The following PKD1 variants were observed in gnomAD, a reference collection of about 807,000 sequenced individuals.
PKD1 encodes the protein polycystin-1.
In PKD1, 81 loss-of-function variants were observed where a neutral mutation model predicts 361.7. The observed-to-expected ratio is 0.22, with a 90% CI of 0.19 to 0.27. The LOEUF is 0.27. PKD1 is among the 10% of genes least tolerant of loss of function. PKD1 has a pLI of 1.00. For synonymous variants in PKD1, 3,615 were observed against 2,818.3 expected (o/e 1.28, Z -8.95); for missense variants, 6,399 against 6,118.3 (o/e 1.05, Z -1.53).
At chr16:2,123,808 G>T (rs1189292697) in intron 1 of PKD1, among the ~76,000 whole-genome samples, 5 of 152,212 alleles carry the variant, frequency 3.3e-5, no homozygotes, top group African/African-American at 1.2e-4. Flanking sequence ...CTATGAGCTG[G>T]AAGGGTGGGA....
chr16:2,107,753 A>G (rs1218576948), intron 16 of PKD1, 130 bp downstream of exon 16: 35 of 858,316 alleles, frequency 4.1e-5, no homozygotes, highest in African/African-American at 2.2e-4. Flanking sequence ...GTCGTGTTAC[A>G]TAGAATTTGC....
Position 2,117,919 on chromosome 16 carries a change from G to A in PKD1, c.1073C>T (p.Ala358Val). Residue 358 changes from alanine (A) to valine (V), a missense_variant, in exon 5 of 46, where the codon GCC becomes GTC. Transcript: ENST00000262304. The part of the protein sequence containing the change: ...TDVQVEAAPA[A>V]LELVCPSSVQ... ...CGAGGACGGGCACACGAGCTCCAGG[G>A]CGGCAGGTGCCGCTTCCACCTGCAC... is the stretch of plus-strand genomic sequence containing the variant. 2.4e-6 allele frequency: 3 copies of A among 1,254,810 alleles called. No homozygotes were observed. The highest frequency in any genetic ancestry group is 3.4e-6 in the Non-Finnish European group (3 of 890,540). 77.7% of individuals were successfully genotyped at this position (1,254,810 alleles called of 1,614,324 possible). A position where few individuals can be genotyped will look rare whatever the true frequency, so the allele number is the denominator to read the frequency against.
chr16:2,090,312 G>C lies in PKD1; in HGVS notation c.12417C>G (p.Leu4139=), dbSNP rs1348781162. 3 of 1,611,252 alleles carry C rather than the reference G, an allele frequency of 1.9e-6. No individual in the cohort carries two copies. Among genetic ancestry groups the C allele is most frequent in the African/African-American group, 1.3e-5 (1 of 74,878 alleles). Residue 4139 remains leucine (L), a synonymous_variant, in exon 45 of 46, where the codon CTC becomes CTG. Transcript: ENST00000262304. ...MVELFLRRLR[L]WMGLSKVKEF... is the part of the protein sequence containing the mutation. ...CCTTGACCTTGCTGAGGCCCATCCA[G>C]AGGCGCAGCCTGCGCAGGAACAACT...
rs543314024 is a variant in PKD1, at chr16:2,100,387, C to G, written c.9568+9G>C. On this transcript the variant is annotated intron_variant, in intron 27 of 45. Coordinates refer to ENST00000262304, the MANE Select transcript of PKD1 (RefSeq NM_001009944.3). This position sits in a 1 kb window ranked among gnomAD's most constrained non-coding sequence, Gnocchi z 4.4. Reference sequence around the variant, plus strand: ...CAGAGGGGCAGAGCTTGGCAGGGTCCGCACAAACCTTTGTTGTCGTGCCAC... The same window carrying G: ...CAGAGGGGCAGAGCTTGGCAGGGTCGGCACAAACCTTTGTTGTCGTGCCAC... 1 of 1,611,224 alleles carries G rather than the reference C, an allele frequency of 6.2e-7. No individual in the cohort carries two copies. Among genetic ancestry groups the G allele is most frequent in the Admixed American group, 1.7e-5 (1 of 60,018 alleles).
rs2092523043 is a variant in PKD1, at chr16:2,112,002, C to A, written c.3296-131G>T. 3 of 985,952 alleles carry A rather than the reference C, an allele frequency of 3.0e-6. No individual in the cohort carries two copies. The East Asian group carries it at 7.8e-5, about 26-fold the overall frequency. 61.1% of individuals were successfully genotyped at this position (985,952 alleles called of 1,614,324 possible). A position where few individuals can be genotyped will look rare whatever the true frequency, so the allele number is the denominator to read the frequency against. ...GCGGCCCAGCCTTAAGGGTCCCAGG[C>A]TCCCAAGCCACGTGCGGGACGGAGC... On this transcript the variant is annotated intron_variant, in intron 14 of 45. Coordinates refer to ENST00000262304, the MANE Select transcript of PKD1 (RefSeq NM_001009944.3).
chr16:2,116,254 C>A, intron 8 of PKD1, 136 bp from the exon 9 acceptor site: 1 of 945,926 alleles, frequency 1.1e-6, no homozygotes, highest in Non-Finnish European at 1.6e-6. Context: ...TGGCTCCTGT[C>A]GCTCGAGAGG....
chr16:2,109,396 C>A lies in PKD1; in HGVS notation c.5771G>T (p.Gly1924Val). 6.3e-7 allele frequency: 1 copy of A among 1,598,712 alleles called. No homozygotes were observed. Among genetic ancestry groups the A allele is most frequent in the Non-Finnish European group, 8.5e-7 (1 of 1,177,846 alleles). Reference sequence around the variant, plus strand: ...GGGGAGCACCTCGGGGTTGGCCCCGCCGACCTGCAGGCGGAAGGTGACAGC... The same window carrying A: ...GGGGAGCACCTCGGGGTTGGCCCCGACGACCTGCAGGCGGAAGGTGACAGC... ...GSAVTFRLQV[G>V]GANPEVLPGP... Residue 1924 changes from glycine (G) to valine (V), a missense_variant, in exon 15 of 46, where the codon GGC becomes GTC. Coordinates refer to ENST00000262304, the MANE Select transcript of PKD1 (RefSeq NM_001009944.3).
intron 30 of PKD1, among the ~76,000 whole-genome samples, chr16:2,098,375 A>G (rs1239802948): frequency 2.0e-5 from 3 of 151,334 alleles, no homozygotes. Context: ...TGCCCAGCTA[A>G]TTTTTTGTAT....
chr16:2,101,146 G>A (rs1470305176), intron 26 of PKD1, among the ~76,000 whole-genome samples: 10 of 151,950 alleles, frequency 6.6e-5, no homozygotes, highest in Non-Finnish European at 1.2e-4. Flanking sequence ...CCACTACGCC[G>A]GGCTAATTTT....
At position 2,109,882 on chromosome 16, in the gene PKD1, G is replaced by T; in HGVS notation, c.5285C>A (p.Thr1762Asn). Residue 1762 changes from threonine (T) to asparagine (N), a missense_variant, in exon 15 of 46, where the codon ACC becomes AAC. Coordinates refer to ENST00000262304, the MANE Select transcript of PKD1 (RefSeq NM_001009944.3). Reference protein sequence around the residue: ...WSLEEGLSWETSEPFTTHSFP... With the variant: ...WSLEEGLSWENSEPFTTHSFP... Reference sequence around the variant, plus strand: ...GCTATGGGTGGTAAATGGCTCGGAGGTCTCCCAGCTCAGCCCCTCCTCCAA... The same window carrying T: ...GCTATGGGTGGTAAATGGCTCGGAGTTCTCCCAGCTCAGCCCCTCCTCCAA... The T allele has an allele frequency of 6.2e-7, 1 of 1,610,644 alleles. No individual in the cohort carries two copies. The highest frequency in any genetic ancestry group is 8.5e-7 in the Non-Finnish European group (1 of 1,179,794).
rs2091721222 is a variant in PKD1 at position 2,093,795 on chromosome 16, CT to C, written c.10821+15del. 2 of 1,554,298 alleles carry C rather than the reference CT, an allele frequency of 1.3e-6. No individual in the cohort carries two copies. The highest frequency in any genetic ancestry group is 1.9e-5 in the Admixed American group (1 of 53,220). On this transcript the variant is annotated intron_variant, in intron 36 of 45. Transcript: ENST00000262304. ...CGTGATGGAGGCCTGTAGCCTACCCCTGGCAGCCCCCTCACCTTCAGTGGCT... is the reference window on the plus strand; with the variant it reads ...CGTGATGGAGGCCTGTAGCCTACCCCGGCAGCCCCCTCACCTTCAGTGGCT...
intron 1 of PKD1, among the ~76,000 whole-genome samples, chr16:2,125,720 G>A (rs2092789756): frequency 6.6e-6 from 1 of 151,894 alleles, no homozygotes; most frequent in Admixed American, 6.6e-5. Flanking sequence ...CTGCCGCTGG[G>A]GTCGGGGCCA....
chr16:2,122,882 C>T (rs1285714134), intron 1 of PKD1, among the ~76,000 whole-genome samples: 3 of 152,178 alleles, frequency 2.0e-5, no homozygotes, highest in Non-Finnish European at 4.4e-5. Flanking sequence ...GGCTCTCGCA[C>T]CTGCCCCCAG....
At chr16:2,096,866 C>A in intron 34 of PKD1, 1 of 534,684 alleles carries the variant, frequency 1.9e-6, no homozygotes, top group South Asian at 2.4e-5. Flanking sequence ...TGCTCTGAGA[C>A]CAAGATAAAA....
At position 2,108,662 on chromosome 16, in the gene PKD1, A is replaced by T; in HGVS notation, c.6505T>A (p.Leu2169Met). ...TCGCGCAGGTCAACGTGGGCCTCCAAGTAGTTGCGCTGTGATCGCCGCATC... is the reference window on the plus strand; with the variant it reads ...TCGCGCAGGTCAACGTGGGCCTCCATGTAGTTGCGCTGTGATCGCCGCATC... ...VLMRRSQRNY[L>M]EAHVDLRDCV... is the part of the protein sequence containing the mutation. Residue 2169 changes from leucine to methionine, a missense_variant, in exon 15 of 46, where the codon TTG becomes ATG. Leu to Met is a conservative substitution (Grantham distance 15). Transcript: ENST00000262304. 6.4e-7 allele frequency: 1 copy of T among 1,565,110 alleles called. No homozygotes were observed.
rs2092678353 is a variant in PKD1, at chr16:2,118,696, G to C, written c.509C>G (p.Pro170Arg). The C allele has an allele frequency of 6.8e-7, 1 of 1,475,316 alleles. No homozygotes were observed. The highest frequency in any genetic ancestry group is 9.2e-7 in the Non-Finnish European group (1 of 1,087,048). The allele number at this position is 1,475,316 out of a possible 1,614,324, so 91.4% of individuals were successfully genotyped here. The stretch of plus-strand genomic sequence containing the variant: ...CTCACCACAGCCACTGTCCAGCAAG[G>C]GGATGCCAAGCAGAGGCTGGCCAGC... ...SLAGQPLLGI[P>R]LLDSGCGEEY... is the part of the protein sequence containing the mutation. The change falls in exon 4 of 46, where the codon CCC becomes CGC. Residue 170 changes from proline to arginine, a missense_variant. Transcript: ENST00000262304. This position sits in a 1 kb window ranked among gnomAD's most constrained non-coding sequence, Gnocchi z 6.0.
At chr16:2,116,473 C>G in intron 8 of PKD1, 56 bp downstream of exon 8, 1 of 984,292 alleles carries the variant, frequency 1.0e-6, no homozygotes, top group Non-Finnish European at 1.6e-6. Context: ...GCAGGGCAGG[C>G]AAGGCCTCCA....
chr16:2,105,893 G>A lies in PKD1; in HGVS notation c.7835C>T (p.Ser2612Leu), dbSNP rs200646755. The change falls in exon 20 of 46, where the codon TCG becomes TTG. Residue 2612 changes from serine (S) to leucine (L), a missense_variant. Transcript: ENST00000262304. The part of the protein sequence containing the change: ...QADPQHVIEY[S>L]LALVTVLNEY... ...GTTCAGCACGGTGACCAGGGCCAAC[G>A]AGTACTCGATGACGTGCTGGGGATC... 129 of 1,596,384 alleles carry A rather than the reference G, an allele frequency of 8.1e-5. No homozygotes were observed. In the Middle Eastern group the frequency reaches 1.8e-3, roughly 22 times the overall value.
chr16:2,108,872 C>G lies in PKD1; in HGVS notation c.6295G>C (p.Gly2099Arg). Residue 2099 changes from glycine (G) to arginine (R), a missense_variant, in exon 15 of 46, where the codon GGG (glycine) becomes CGG (arginine). Gly to Arg is a moderately radical substitution (Grantham distance 125, BLOSUM62 -2). Coordinates refer to ENST00000262304, the MANE Select transcript of PKD1 (RefSeq NM_001009944.3). ...TCATCTGTGTCCTGCCCTGGCGACCCATCCCCAAAGTCCCAGTGGTAGGCC... is the reference window on the plus strand; with the variant it reads ...TCATCTGTGTCCTGCCCTGGCGACCGATCCCCAAAGTCCCAGTGGTAGGCC... ...RVAYHWDFGD[G>R]SPGQDTDEPR... The G allele has an allele frequency of 6.3e-7, 1 of 1,578,328 alleles. No individual in the cohort carries two copies. Among genetic ancestry groups the G allele is most frequent in the Non-Finnish European group, 8.6e-7 (1 of 1,163,354 alleles).
Sources: gnomAD v4.1 joint callset for allele counts (sites outside exome capture counted in the v4.1 genomes callset) on GRCh38, gnomAD v4.1.1 for gene constraint, Gnocchi (gnomAD v3.1) non-coding constraint, MANE v1.5 for transcripts, NCBI Gene and HGNC (gene_info 2026-07-23, HGNC 2026-07-21) for gene names.